The following DMD variants were observed in gnomAD, a reference collection of about 807,000 sequenced individuals.
DMD encodes the protein mutant dystrophin.
DMD carries 63 observed loss-of-function variants against 330.1 expected under a neutral mutation model. The ratio of observed to expected loss-of-function variants is 0.19; its 90% confidence interval spans 0.16 to 0.24. DMD has a LOEUF of 0.24. Ranked by LOEUF, DMD falls within the 10% of genes least tolerant of loss-of-function variation. The pLI, the probability that DMD is intolerant of heterozygous loss-of-function variation, is 1.00. For synonymous variants in DMD, 1,223 were observed against 959.8 expected (o/e 1.27, Z -5.07); for missense variants, 3,344 against 2,684.1 (o/e 1.25, Z -5.43).
intron 32 of DMD, 46 bp from the exon 33 acceptor site, chrX:32,386,511 T>C (rs2097959191): frequency 9.4e-7 from 1 of 1,058,876 alleles, no homozygotes; most frequent in African/African-American, 1.9e-5. Flanking sequence ...TAGAGTTAAA[T>C]TATTTCATAA....
chrX:33,191,391 CAT>C (rs1210090535), intron 1 of DMD, among the ~76,000 whole-genome samples: 1 of 101,358 alleles, frequency 9.9e-6, no homozygotes, highest in African/African-American at 3.5e-5. Context: ...CTTGACAACA[CAT>C]AGTTTGCTTT....
intron 47 of DMD, among the ~76,000 whole-genome samples, chrX:31,896,870 G>A (rs1165999302): frequency 1.8e-5 from 2 of 110,755 alleles, no homozygotes; most frequent in African/African-American, 6.5e-5. Context: ...AAAATAATTA[G>A]CCGAGTTTCT....
intron 9 of DMD, among the ~76,000 whole-genome samples, chrX:32,663,161 G>A (rs565909470): frequency 3.6e-5 from 4 of 111,856 alleles, no homozygotes; most frequent in Admixed American, 2.9e-4. Flanking sequence ...TTTTAGGCTT[G>A]CCAATGCATT....
chrX:32,821,934 G>GA (rs755498735), intron 5 of DMD, among the ~76,000 whole-genome samples: 164 of 111,102 alleles, frequency 1.5e-3, no homozygotes, highest in Non-Finnish European at 2.5e-3. Flanking sequence ...TGGTGGGGGG[G>GA]AGTTATTCAT....
intron 11 of DMD, among the ~76,000 whole-genome samples, chrX:32,640,124 C>A (rs971887410): frequency 4.6e-5 from 5 of 108,692 alleles, no homozygotes; most frequent in African/African-American, 1.7e-4. Flanking sequence ...TTATATAATA[C>A]TTCATATAGA....
chrX:31,957,814 A>T lies in DMD; in HGVS notation c.6614+10525T>A, dbSNP rs777559029. 4.5e-5 allele frequency among the ~76,000 whole-genome samples: 5 copies of T among 111,758 alleles called. No individual in the cohort carries two copies. In the South Asian group the frequency reaches 1.9e-3, roughly 42 times the overall value. ...AATAGACTTATTATACATATCTAAGACATCCATTAACTATATTAAACCAAG... is the reference window on the plus strand; with the variant it reads ...AATAGACTTATTATACATATCTAAGTCATCCATTAACTATATTAAACCAAG... On this transcript the variant is annotated intron_variant, in intron 45 of 78. Coordinates refer to ENST00000357033, the MANE Select transcript of DMD (RefSeq NM_004006.3).
intron 76 of DMD, among the ~76,000 whole-genome samples, chrX:31,135,600 T>C (rs2035122251): frequency 8.9e-6 from 1 of 112,319 alleles, no homozygotes; most frequent in Non-Finnish European, 1.9e-5. Context: ...GGAAATCTCC[T>C]TGTAGATTTT....
At chrX:31,362,599 G>A (rs1240057826) in intron 60 of DMD, among the ~76,000 whole-genome samples, 4 of 112,464 alleles carry the variant, frequency 3.6e-5, no homozygotes, top group Non-Finnish European at 5.6e-5. Context: ...CTTGTTTTCC[G>A]ATCTAACCTG....
intron 7 of DMD, among the ~76,000 whole-genome samples, chrX:32,799,797 TAA>T (rs1380019883): frequency 9.0e-6 from 1 of 111,109 alleles, no homozygotes; most frequent in African/African-American, 3.3e-5. Context: ...CATAATTTAT[TAA>T]GTTTACCCTA....
rs1163292480 is a variant in DMD at position 32,065,036 on chromosome X, AG to A, written c.6439-96523del. Among the ~76,000 whole-genome samples, 4 of 111,740 alleles carry A rather than the reference AG, an allele frequency of 3.6e-5. No individual in the cohort carries two copies. The East Asian group carries it at 1.1e-3, about 32-fold the overall frequency. ...TACCTACGAAGCAACCAATGATAAA[AG>A]AGAAAAGACAGTGCAAGTTTGCCAA... is the stretch of plus-strand genomic sequence containing the variant. On this transcript the variant is annotated intron_variant, in intron 44 of 78. Coordinates refer to ENST00000357033, the MANE Select transcript of DMD (RefSeq NM_004006.3).
chrX:33,061,735 G>A (rs1438673071), intron 1 of DMD, among the ~76,000 whole-genome samples: 1 of 111,460 alleles, frequency 9.0e-6, no homozygotes, highest in Non-Finnish European at 1.9e-5. Context: ...GACGATAGCT[G>A]TAAATACGCT....
chrX:32,485,004 G>T lies in DMD; in HGVS notation c.2718C>A (p.Phe906Leu). Reference protein sequence around the residue: ...ALKEKGQGPMFLDADFVAFTN... With the variant: ...ALKEKGQGPMLLDADFVAFTN... ...TAAAGGCCACAAAGTCTGCATCCAG[G>T]AACATGGGTCCTTGTCCTTTCTCTT... Residue 906 changes from phenylalanine (F) to leucine (L), a missense_variant, in exon 21 of 79, where the codon TTC becomes TTA. By Grantham distance (22) the Phe-to-Leu change is conservative (BLOSUM62 0). Coordinates refer to ENST00000357033, the MANE Select transcript of DMD (RefSeq NM_004006.3). 1 of 1,211,358 alleles carries T rather than the reference G, an allele frequency of 8.3e-7. No homozygotes were observed. Among genetic ancestry groups the T allele is most frequent in the Admixed American group, 2.2e-5 (1 of 45,987 alleles).
chrX:32,176,035 A>G (rs2147401090), intron 44 of DMD, among the ~76,000 whole-genome samples: 1 of 111,579 alleles, frequency 9.0e-6, no homozygotes, highest in Admixed American at 9.5e-5. Flanking sequence ...TCCTTCTCCA[A>G]CATACAAAGC....
chrX:32,601,455 C>A (rs1020034583), intron 12 of DMD, among the ~76,000 whole-genome samples: 1 of 111,472 alleles, frequency 9.0e-6, no homozygotes, highest in East Asian at 2.8e-4. Flanking sequence ...AAGACTGTTT[C>A]AATGGAGAGA....
At chrX:32,831,796 CAG>C (rs761009359) in intron 4 of DMD, among the ~76,000 whole-genome samples, 5 of 109,554 alleles carry the variant, frequency 4.6e-5, no homozygotes, top group Admixed American at 9.9e-5. Flanking sequence ...TTGTTAGATG[CAG>C]AGAGAGATGG....
At chrX:32,797,945 G>T (rs186697705) in intron 7 of DMD, among the ~76,000 whole-genome samples, 37 of 111,520 alleles carry the variant, frequency 3.3e-4, no homozygotes, top group African/African-American at 1.0e-3. Context: ...ATCTTCAATC[G>T]CATGATTATA....
chrX:32,750,995 G>T (rs2070739335), intron 7 of DMD, among the ~76,000 whole-genome samples: 1 of 111,829 alleles, frequency 8.9e-6, no homozygotes, highest in South Asian at 3.7e-4. Context: ...TTGCCTTCCA[G>T]CATGATTGTG....
At chrX:32,751,920 G>A (rs1342248791) in intron 7 of DMD, among the ~76,000 whole-genome samples, 1 of 112,922 alleles carries the variant, frequency 8.9e-6, no homozygotes, top group African/African-American at 3.2e-5. Flanking sequence ...CTTCCACGTC[G>A]TGTTGAGCCC....
At chrX:32,737,147 G>C (rs1038440178) in intron 7 of DMD, among the ~76,000 whole-genome samples, 2 of 109,774 alleles carry the variant, frequency 1.8e-5, no homozygotes, top group Admixed American at 1.9e-4. Flanking sequence ...AAAAGGGGGG[G>C]GACATAAAAT....
Sources: gnomAD v4.1 joint callset for allele counts (sites outside exome capture counted in the v4.1 genomes callset) on GRCh38, gnomAD v4.1.1 for gene constraint, MANE v1.5 for transcripts, NCBI Gene and HGNC (gene_info 2026-07-23, HGNC 2026-07-21) for gene names.